Variants in CFAP299 observed in about 807,000 individuals in gnomAD.
The protein encoded by CFAP299 is cilia- and flagella-associated protein 299.
CFAP299 carries 21 observed loss-of-function variants against 27.0 expected under a neutral mutation model. That is an observed-to-expected ratio of 0.78 (90% CI 0.55 to 1.12). CFAP299 has a LOEUF of 1.12. Ranked by LOEUF, CFAP299 falls within the 50% of genes most tolerant of loss-of-function variation. The pLI, the probability that CFAP299 is intolerant of heterozygous loss-of-function variation, is 0.00. For synonymous variants in CFAP299, 104 were observed against 98.1 expected, an observed-to-expected ratio of 1.06 and a Z score of -0.36; for missense variants, 310 against 276.6, an observed-to-expected ratio of 1.12 and a Z score of -0.86.
chr4:80,458,087 T>C (rs1177033391), intron 2 of CFAP299, among the ~76,000 whole-genome samples: 6 of 152,100 alleles, frequency 3.9e-5, no homozygotes, highest in Non-Finnish European at 8.8e-5. Flanking sequence ...GCTCAGTTTT[T>C]AGCCCGTTTA....
chr4:80,674,613 G>T (rs1217780039), intron 3 of CFAP299, among the ~76,000 whole-genome samples: 1 of 152,206 alleles, frequency 6.6e-6, no homozygotes, highest in Non-Finnish European at 1.5e-5. Context: ...ATCCTGAAGA[G>T]TGTTTTCCAA....
At chr4:80,728,079 C>T (rs1177842074) in intron 3 of CFAP299, among the ~76,000 whole-genome samples, 1 of 151,816 alleles carries the variant, frequency 6.6e-6, no homozygotes, top group East Asian at 1.9e-4. Flanking sequence ...ATTGCAATTT[C>T]AAAATTAATA....
intron 3 of CFAP299, among the ~76,000 whole-genome samples, chr4:80,610,168 CT>C (rs1374073152): frequency 6.6e-6 from 1 of 151,378 alleles, no homozygotes; most frequent in African/African-American, 2.4e-5. Context: ...TTTCTGATCA[CT>C]TTAATAATCC....
chr4:80,855,634 T>C (rs1182897630), intron 3 of CFAP299, among the ~76,000 whole-genome samples: 2 of 152,012 alleles, frequency 1.3e-5, no homozygotes, highest in African/African-American at 2.4e-5. Flanking sequence ...TCAATTCCCA[T>C]CTATGAGTGA....
chr4:80,394,035 A>G (rs1032929077), intron 2 of CFAP299, among the ~76,000 whole-genome samples: 2 of 152,110 alleles, frequency 1.3e-5, no homozygotes, highest in Admixed American at 6.6e-5. Flanking sequence ...AGTGTTTGAC[A>G]GTTCCTCCTC....
chr4:80,395,955 A>C (rs369654178), intron 2 of CFAP299, among the ~76,000 whole-genome samples: 5 of 152,164 alleles, frequency 3.3e-5, no homozygotes, highest in African/African-American at 1.2e-4. Flanking sequence ...CTGCACATAC[A>C]CACAAATACA....
intron 2 of CFAP299, among the ~76,000 whole-genome samples, chr4:80,369,053 C>T (rs1470250621): frequency 6.6e-6 from 1 of 152,184 alleles, no homozygotes; most frequent in Non-Finnish European, 1.5e-5. Flanking sequence ...TGGAGAGCTC[C>T]ACAGTACAAG....
At chr4:80,738,695 G>A (rs1356309578) in intron 3 of CFAP299, among the ~76,000 whole-genome samples, 2 of 149,932 alleles carry the variant, frequency 1.3e-5, no homozygotes. Context: ...ACCACTCTAT[G>A]TCTTTGCTGG....
chr4:80,734,569 G>C (rs561826663), intron 3 of CFAP299, among the ~76,000 whole-genome samples: 2 of 152,060 alleles, frequency 1.3e-5, no homozygotes, highest in Non-Finnish European at 2.9e-5. Flanking sequence ...AGTTTCCCCA[G>C]TGTTTTATGT....
At chr4:80,721,997 C>A (rs1026301024) in intron 3 of CFAP299, among the ~76,000 whole-genome samples, 94 of 152,208 alleles carry the variant, frequency 6.2e-4, no homozygotes, top group African/African-American at 2.1e-3. Context: ...GAATCCAAAT[C>A]TAAATAAAGG....
chr4:80,394,408 T>A (rs949066863), intron 2 of CFAP299, among the ~76,000 whole-genome samples: 1 of 148,664 alleles, frequency 6.7e-6, no homozygotes, highest in Non-Finnish European at 1.5e-5. Flanking sequence ...GTACACAGTT[T>A]TTTTTTTTTT....
Position 80,596,335 on chromosome 4 carries a change from C to T in CFAP299, c.333+13152C>T, listed in dbSNP as rs142876124. On this transcript the variant is annotated intron_variant, in intron 3 of 5. Transcript: ENST00000358105. ...TCATTCCTTTGTAGGTTGTTATTTG[C>T]ATTTCAGCAAGTTCTAATAATTAGA... is the stretch of plus-strand genomic sequence containing the variant. 2.2e-3 allele frequency among the ~76,000 whole-genome samples: 333 copies of T among 152,264 alleles called. 1 individual carries two copies. Among genetic ancestry groups the T allele is most frequent in the Non-Finnish European group, 3.9e-3 (268 of 67,996 alleles).
chr4:80,363,913 C>T (rs917566776), intron 2 of CFAP299, among the ~76,000 whole-genome samples: 1 of 151,894 alleles, frequency 6.6e-6, no homozygotes, highest in Non-Finnish European at 1.5e-5. Flanking sequence ...ACAGCAAAAC[C>T]CTGTCTCTAC....
intron 2 of CFAP299, among the ~76,000 whole-genome samples, chr4:80,483,567 T>C (rs1475048767): frequency 6.6e-6 from 1 of 152,200 alleles, no homozygotes; most frequent in African/African-American, 2.4e-5. Context: ...AAATATAGGT[T>C]ATAGCCAGAG....
At chr4:80,387,430 G>A (rs1725074635) in intron 2 of CFAP299, 1 of 891,860 alleles carries the variant, frequency 1.1e-6, no homozygotes, top group Non-Finnish European at 1.9e-6. Flanking sequence ...GGAACAAGTA[G>A]GAGCTGTAGA....
chr4:80,447,141 T>TTTTTTTTTTTTG (rs1728669867), intron 2 of CFAP299, among the ~76,000 whole-genome samples: 2 of 126,484 alleles, frequency 1.6e-5, no homozygotes, highest in African/African-American at 6.6e-5. Context: ...TTTTTTTTTT[T>TTTTTTTTTTTTG]TTTTTTTTTT....
intron 2 of CFAP299, among the ~76,000 whole-genome samples, chr4:80,405,717 A>G (rs1411227287): frequency 3.3e-5 from 5 of 152,254 alleles, no homozygotes; most frequent in East Asian, 1.9e-4. Context: ...TATCTAAATT[A>G]GTAGCAGTGC....
intron 2 of CFAP299, among the ~76,000 whole-genome samples, chr4:80,441,370 T>C (rs1443666002): frequency 1.3e-5 from 2 of 152,184 alleles, no homozygotes; most frequent in African/African-American, 4.8e-5. Context: ...GCAGAAACCC[T>C]GCAAGCCAGA....
At chr4:80,402,447 A>T (rs898489962) in intron 2 of CFAP299, among the ~76,000 whole-genome samples, 2 of 152,136 alleles carry the variant, frequency 1.3e-5, no homozygotes, top group Non-Finnish European at 2.9e-5. Flanking sequence ...TGATGGGTTT[A>T]TCAGGGATTT....
Sources: gnomAD v4.1 joint callset for allele counts (sites outside exome capture counted in the v4.1 genomes callset) on GRCh38, gnomAD v4.1.1 for gene constraint, MANE v1.5 for transcripts, NCBI Gene and HGNC (gene_info 2026-07-23, HGNC 2026-07-21) for gene names.